The following TEX9 variants were observed in gnomAD, a reference collection of about 807,000 sequenced individuals.
The protein encoded by TEX9 is testis expressed 9, also known as testis-expressed protein 9.
Under a neutral mutation model 59.6 loss-of-function variants are expected in TEX9, and 74 were observed. The ratio of observed to expected loss-of-function variants is 1.24; its 90% CI spans 1.03 to 1.51. The LOEUF is 1.51. Among genes scored for constraint, TEX9 ranks in the 40% most tolerant of loss-of-function variants. The pLI, the probability that TEX9 is intolerant of heterozygous loss-of-function variation, is 0.00. For missense variants in TEX9, 522 were observed against 447.8 expected, an observed-to-expected ratio of 1.17 and a Z score of -1.49; for synonymous variants, 186 against 152.2, an observed-to-expected ratio of 1.22 and a Z score of -1.64.
chr15:56,341,926 A>G (rs1259842042), intron 1 of TEX9, among the ~76,000 whole-genome samples: 36 of 152,130 alleles, frequency 2.4e-4, no homozygotes, highest in Non-Finnish European at 1.5e-5. Context: ...TGTTTAAGTA[A>G]TGAGTTTGTA....
chr15:56,330,282 G>C (rs1162288551), intron 1 of TEX9, among the ~76,000 whole-genome samples: 1 of 152,076 alleles, frequency 6.6e-6, no homozygotes, highest in East Asian at 1.9e-4. Context: ...AATGCTAAAG[G>C]GGGTACTTCA....
At chr15:56,349,804 T>C (rs2046542343) in intron 1 of TEX9, among the ~76,000 whole-genome samples, 1 of 151,870 alleles carries the variant, frequency 6.6e-6, no homozygotes, top group African/African-American at 2.4e-5. Context: ...TATGTATGTG[T>C]GTGCGTGTGT....
At chr15:56,247,135 C>G (rs938778004) in intron 1 of TEX9, among the ~76,000 whole-genome samples, 2 of 152,180 alleles carry the variant, frequency 1.3e-5, no homozygotes, top group East Asian at 1.9e-4. Flanking sequence ...TTGTCTTGCT[C>G]TCTTGTGTCT....
intron 1 of TEX9, among the ~76,000 whole-genome samples, chr15:56,297,634 A>G (rs1231436000): frequency 6.6e-6 from 1 of 152,154 alleles, no homozygotes; most frequent in Non-Finnish European, 1.5e-5. Flanking sequence ...CCTCCTGAAT[A>G]GCTGGGATTA....
intron 3 of TEX9, among the ~76,000 whole-genome samples, chr15:56,376,089 G>A (rs1381599346): frequency 8.4e-6 from 1 of 118,390 alleles, no homozygotes; most frequent in Non-Finnish European, 1.7e-5. Flanking sequence ...GGGGAGGGGG[G>A]AGGGATAGCT....
Position 56,443,827 on chromosome 15 carries a change from C to A in TEX9, c.*30-1844C>A, listed in dbSNP as rs756437668. On this transcript the variant is annotated intron_variant, in intron 12 of 12. Transcript: ENST00000352903. The stretch of plus-strand genomic sequence containing the variant: ...CTTCTATATACCTTCGCATTGCATT[C>A]ATTTTTTCTAACTTTTGTTGTTTTT... The A allele has an allele frequency of 5.0e-6, 8 of 1,603,218 alleles. No homozygotes were observed. The Admixed American group carries it at 6.8e-5, about 14-fold the overall frequency.
chr15:56,430,287 G>A (rs1382938721), intron 12 of TEX9, among the ~76,000 whole-genome samples, 133 bp downstream of exon 12: 1 of 152,142 alleles, frequency 6.6e-6, no homozygotes, highest in African/African-American at 2.4e-5. Context: ...GGTCACTGCA[G>A]CTTCAACTTT....
At chr15:56,260,136 GTA>G (rs1201249313) in intron 1 of TEX9, among the ~76,000 whole-genome samples, 1 of 151,968 alleles carries the variant, frequency 6.6e-6, no homozygotes, top group Non-Finnish European at 1.5e-5. Flanking sequence ...TTCTAATTGT[GTA>G]TATATTATTT....
chr15:56,424,129 G>A (rs1567140034), intron 10 of TEX9, among the ~76,000 whole-genome samples: 3 of 152,122 alleles, frequency 2.0e-5, no homozygotes, highest in Non-Finnish European at 4.4e-5. Context: ...CTCCAAGTCT[G>A]TCAATGCTTG....
upstream of TEX9, among the ~76,000 whole-genome samples, chr15:56,364,030 A>C (rs1162510805): frequency 2.6e-5 from 4 of 151,962 alleles, no homozygotes; most frequent in African/African-American, 9.7e-5. Context: ...CAAGTTATTT[A>C]TCAGATATAT....
At chr15:56,442,719 G>A (rs2050839791) in intron 12 of TEX9, among the ~76,000 whole-genome samples, 1 of 152,092 alleles carries the variant, frequency 6.6e-6, no homozygotes, top group Admixed American at 6.5e-5. Flanking sequence ...AAGGAAAACA[G>A]ACACTGGGGC....
At chr15:56,279,451 A>G (rs1336425288) in intron 1 of TEX9, among the ~76,000 whole-genome samples, 2 of 152,224 alleles carry the variant, frequency 1.3e-5, no homozygotes, top group Non-Finnish European at 2.9e-5. Context: ...TGGTTCAAAC[A>G]AGAATTTGAG....
chr15:56,444,415 G>C (rs747917433), intron 12 of TEX9: 6 of 1,566,424 alleles, frequency 3.8e-6, no homozygotes, highest in Non-Finnish European at 5.2e-6. Flanking sequence ...TAAACATTTA[G>C]ACATGTAAGA....
At chr15:56,348,806 G>A (rs1053397950) in intron 1 of TEX9, among the ~76,000 whole-genome samples, 1 of 151,860 alleles carries the variant, frequency 6.6e-6, no homozygotes, top group Non-Finnish European at 1.5e-5. Context: ...TTCTTTAAAT[G>A]TTTCTTCTGC....
chr15:56,363,930 G>A (rs2046842057), upstream of TEX9, among the ~76,000 whole-genome samples: 1 of 149,006 alleles, frequency 6.7e-6, no homozygotes, highest in Non-Finnish European at 1.5e-5. Flanking sequence ...TGATCCTCCT[G>A]ACTTAGCCTC....
chr15:56,360,921 A>T (rs1208923478), upstream of TEX9, among the ~76,000 whole-genome samples: 1 of 152,184 alleles, frequency 6.6e-6, no homozygotes, highest in Non-Finnish European at 1.5e-5. Flanking sequence ...AAACTCCAAT[A>T]GAGGCTCTAG....
intron 9 of TEX9, among the ~76,000 whole-genome samples, chr15:56,400,469 G>A (rs1334974207): frequency 1.3e-5 from 2 of 152,172 alleles, no homozygotes; most frequent in East Asian, 3.8e-4. Flanking sequence ...GAGCCTTCAA[G>A]AAAAATGGGA....
At chr15:56,452,547 C>T in the TEX9 span, among the ~76,000 whole-genome samples, 1 of 146,260 alleles carries the variant, frequency 6.8e-6, no homozygotes, top group Admixed American at 6.9e-5. Flanking sequence ...GAGACAGAGT[C>T]TCTCTCTGTC....
chr15:56,275,021 T>G (rs1305054380), intron 1 of TEX9, among the ~76,000 whole-genome samples: 1 of 152,226 alleles, frequency 6.6e-6, no homozygotes, highest in Non-Finnish European at 1.5e-5. Flanking sequence ...TTGATTTTCC[T>G]GCTGATGAGG....
Sources: gnomAD v4.1 joint callset for allele counts (sites outside exome capture counted in the v4.1 genomes callset) on GRCh38, gnomAD v4.1.1 for gene constraint, MANE v1.5 for transcripts, NCBI Gene and HGNC (gene_info 2026-07-23, HGNC 2026-07-21) for gene names.